VWC2L: variants seen among roughly 807,000 people sequenced by gnomAD.
VWC2L encodes the protein von Willebrand factor C domain containing 2 like, also known as von Willebrand factor C domain-containing protein 2-like.
In VWC2L, 10 loss-of-function variants were observed where a neutral mutation model predicts 21.6. The ratio of observed to expected loss-of-function variants is 0.46; its 90% CI spans 0.29 to 0.78. VWC2L has a LOEUF of 0.78. VWC2L is among the 30% of genes least tolerant of loss of function. The pLI, the probability that VWC2L is intolerant of heterozygous loss-of-function variation, is 0.10. For missense variants in VWC2L, 209 were observed against 277.1 expected, an observed-to-expected ratio of 0.75 and a Z score of 1.74; for synonymous variants, 96 against 94.3, an observed-to-expected ratio of 1.02 and a Z score of -0.10.
chr2:214,423,144 C>A (rs1454200082), intron 2 of VWC2L, among the ~76,000 whole-genome samples: 1 of 151,974 alleles, frequency 6.6e-6, no homozygotes, highest in African/African-American at 2.4e-5. Flanking sequence ...CCTTTCACTA[C>A]CATTGTTACA....
At chr2:214,513,987 A>T (rs1017674533) in intron 3 of VWC2L, among the ~76,000 whole-genome samples, 4 of 152,154 alleles carry the variant, frequency 2.6e-5, no homozygotes, top group African/African-American at 7.2e-5. Context: ...TGGAGATGAC[A>T]GCAGGATGTT....
intron 3 of VWC2L, among the ~76,000 whole-genome samples, chr2:214,519,626 G>A (rs543650247): frequency 2.0e-5 from 3 of 152,170 alleles, no homozygotes; most frequent in Non-Finnish European, 4.4e-5. Flanking sequence ...CTCTCAAGTG[G>A]TCTTTCTCAG....
chr2:214,545,899 A>AT (rs1559326365), intron 3 of VWC2L, among the ~76,000 whole-genome samples: 2 of 152,154 alleles, frequency 1.3e-5, no homozygotes, highest in Non-Finnish European at 1.5e-5. Flanking sequence ...ACTAGTTCAA[A>AT]TTTTACACAC....
At chr2:214,501,083 G>A (rs1268911197) in intron 3 of VWC2L, among the ~76,000 whole-genome samples, 2 of 152,192 alleles carry the variant, frequency 1.3e-5, no homozygotes, top group Admixed American at 1.3e-4. Context: ...GTTAGAGGGT[G>A]TGGTTTCAGG....
At chr2:214,470,036 G>A (rs11897844) in intron 3 of VWC2L, among the ~76,000 whole-genome samples, 124,645 of 152,192 alleles carry the variant, frequency 0.82, 51,679 homozygotes, top group East Asian at 0.99. Flanking sequence ...GCAAAAGGCA[G>A]AATGGTATTA....
intron 1 of VWC2L, 83 bp from the exon 2 acceptor site, chr2:214,414,031 A>C: frequency 2.7e-6 from 2 of 752,444 alleles, no homozygotes; most frequent in African/African-American, 1.8e-5. Context: ...AATTGATCCC[A>C]AACAGTTTAA....
intron 3 of VWC2L, among the ~76,000 whole-genome samples, chr2:214,514,077 T>C (rs946558985): frequency 5.9e-5 from 9 of 152,132 alleles, no homozygotes; most frequent in African/African-American, 2.2e-4. Context: ...CACACACTCA[T>C]GCAAACGACT....
chr2:214,463,792 A>G (rs1703176274), intron 3 of VWC2L, among the ~76,000 whole-genome samples: 1 of 152,022 alleles, frequency 6.6e-6, no homozygotes, highest in Non-Finnish European at 1.5e-5. Context: ...TAATGCTAAG[A>G]TTTGCCCTTT....
At chr2:214,511,961 T>A (rs1666587019) in intron 3 of VWC2L, among the ~76,000 whole-genome samples, 1 of 149,070 alleles carries the variant, frequency 6.7e-6, no homozygotes, top group African/African-American at 2.5e-5. Context: ...CACCTGGTCA[T>A]GATCCCCAAA....
At chr2:214,413,598 C>A (rs1702309746) in intron 1 of VWC2L, among the ~76,000 whole-genome samples, 2 of 152,058 alleles carry the variant, frequency 1.3e-5, no homozygotes, top group Admixed American at 6.6e-5. Context: ...AGTAGGAAAT[C>A]CTTTATAGTA....
At chr2:214,502,556 C>T (rs372249799) in intron 3 of VWC2L, among the ~76,000 whole-genome samples, 23 of 149,504 alleles carry the variant, frequency 1.5e-4, no homozygotes, top group Non-Finnish European at 2.7e-4. Flanking sequence ...GGCAACAGAG[C>T]GAGACTCCAC....
At chr2:214,572,173 C>A (rs769025830) in intron 3 of VWC2L, among the ~76,000 whole-genome samples, 9 of 152,204 alleles carry the variant, frequency 5.9e-5, no homozygotes, top group Admixed American at 5.2e-4. Flanking sequence ...CTGAAGAATT[C>A]ACATGATGTG....
intron 3 of VWC2L, among the ~76,000 whole-genome samples, chr2:214,464,268 C>G (rs372723736): frequency 6.6e-6 from 1 of 152,062 alleles, no homozygotes; most frequent in Non-Finnish European, 1.5e-5. Context: ...TCTTCATAGT[C>G]TGGGCTTGTG....
intron 3 of VWC2L, among the ~76,000 whole-genome samples, chr2:214,484,952 G>T (rs1688655452): frequency 6.6e-6 from 1 of 152,132 alleles, no homozygotes; most frequent in Admixed American, 6.6e-5. Context: ...TCATGAAAAT[G>T]TATCATCATG....
At chr2:214,487,969 T>C (rs916586556) in intron 3 of VWC2L, among the ~76,000 whole-genome samples, 3 of 152,194 alleles carry the variant, frequency 2.0e-5, no homozygotes, top group Non-Finnish European at 2.9e-5. Flanking sequence ...TCTGGGTTCA[T>C]TGATACTGTT....
intron 3 of VWC2L, among the ~76,000 whole-genome samples, chr2:214,459,675 T>G (rs1413634575): frequency 6.6e-6 from 1 of 152,168 alleles, no homozygotes; most frequent in East Asian, 1.9e-4. Flanking sequence ...AATTCGTTCT[T>G]TTTACATGTC....
chr2:214,475,850 C>A (rs906815908), intron 3 of VWC2L, among the ~76,000 whole-genome samples: 4 of 152,034 alleles, frequency 2.6e-5, no homozygotes, highest in African/African-American at 9.7e-5. Flanking sequence ...GCAGAAGTAA[C>A]TGATTGCAAA....
intron 3 of VWC2L, among the ~76,000 whole-genome samples, chr2:214,503,669 T>G (rs1180488685): frequency 3.3e-5 from 5 of 151,792 alleles, no homozygotes; most frequent in Non-Finnish European, 5.9e-5. Context: ...TGCTGAGCAA[T>G]TTAGGTAATT....
At chr2:214,548,159 C>T (rs946328298) in intron 3 of VWC2L, among the ~76,000 whole-genome samples, 2 of 152,126 alleles carry the variant, frequency 1.3e-5, no homozygotes, top group African/African-American at 4.8e-5. Context: ...CTCTGAGGCT[C>T]TTTGCCAGTA....
Sources: allele counts gnomAD v4.1 joint callset (sites outside exome capture counted in the v4.1 genomes callset), GRCh38; gene constraint gnomAD v4.1.1; transcripts MANE v1.5; gene names NCBI Gene and HGNC (gene_info 2026-07-23, HGNC 2026-07-21).